Variants in ZNF846 observed in about 807,000 individuals in gnomAD.
ZNF846 encodes the protein zinc finger protein 846.
A neutral mutation model predicts 16.0 loss-of-function variants in ZNF846; 15 were observed. That is an observed-to-expected ratio of 0.94 (90% CI 0.63 to 1.45). The LOEUF (loss-of-function observed/expected upper bound fraction) is 1.45, where lower values mean the gene tolerates loss of function less well. Ranked by LOEUF, ZNF846 falls within the 40% of genes most tolerant of loss-of-function variation. The probability of loss-of-function intolerance (pLI) is 0.00; values close to 1 mark genes in which losing one functional copy is unlikely to be tolerated. For missense variants in ZNF846, 714 were observed against 622.3 expected (o/e 1.15, Z -1.57); for synonymous variants, 229 against 212.0 (o/e 1.08, Z -0.70).
At chr19:9,772,470 C>T (rs140172059), upstream of ZNF846, among the ~76,000 whole-genome samples, 197 of 151,762 alleles carry the variant, frequency 1.3e-3, no homozygotes, top group African/African-American at 4.4e-3. Context: ...TGTGGTGGCA[C>T]GCACCTGTAA....
At chr19:9,755,524 G>A (rs1251305576), downstream of ZNF846, 2 of 151,334 alleles carry the variant, frequency 1.3e-5, no homozygotes, top group Admixed American at 1.3e-4. Context: ...TACCAGGCCG[G>A]GCGCGGTGGC....
At chr19:9,763,748 C>G (rs1383143280) in intron 2 of ZNF846, among the ~76,000 whole-genome samples, 1 of 152,194 alleles carries the variant, frequency 6.6e-6, no homozygotes, top group Non-Finnish European at 1.5e-5. Context: ...CAAATTCCTT[C>G]AGATTAGACA....
At chr19:9,755,304 T>C (rs2045122292), downstream of ZNF846, among the ~76,000 whole-genome samples, 1 of 151,440 alleles carries the variant, frequency 6.6e-6, no homozygotes, top group East Asian at 1.9e-4. Flanking sequence ...CCACAGAAAA[T>C]TTACTGTCCA....
chr19:9,754,513 C>T (rs573849714), downstream of ZNF846, among the ~76,000 whole-genome samples: 3 of 137,386 alleles, frequency 2.2e-5, no homozygotes, highest in Non-Finnish European at 3.0e-5. Flanking sequence ...TGCAGTGAGC[C>T]GGGATCTTGC....
downstream of ZNF846, among the ~76,000 whole-genome samples, chr19:9,749,654 C>T (rs1055123230): frequency 6.6e-6 from 1 of 151,382 alleles, no homozygotes; most frequent in Admixed American, 6.6e-5. Flanking sequence ...ATCAACCTCA[C>T]CCACTCTCTC....
intron 1 of ZNF846, chr19:9,774,637 T>A: frequency 6.9e-7 from 1 of 1,442,068 alleles, no homozygotes; most frequent in South Asian, 1.2e-5. Context: ...CTCCATATGA[T>A]TAGGTGACCT....
At chr19:9,779,964 C>T (rs564901144) in intron 1 of ZNF846, among the ~76,000 whole-genome samples, 1 of 151,682 alleles carries the variant, frequency 6.6e-6, no homozygotes, top group Admixed American at 6.6e-5. Context: ...GCAGCCTTGA[C>T]CTCCTGGTCT....
chr19:9,761,385 T>C (rs1385271357), intron 4 of ZNF846, among the ~76,000 whole-genome samples: 2 of 151,720 alleles, frequency 1.3e-5, no homozygotes, highest in African/African-American at 4.8e-5. Context: ...AAAGATGGAC[T>C]ATAAAGAGTT....
chr19:9,756,315 GTGTGCATATATA>G (rs1256708698), downstream of ZNF846: 4 of 138,926 alleles, frequency 2.9e-5, no homozygotes, highest in Admixed American at 7.5e-5. Context: ...GTGTATGTGT[GTGTGCATATATA>G]TGTGTGTGTG....
At chr19:9,753,219 A>AATTAATTT (rs1555710852), downstream of ZNF846, among the ~76,000 whole-genome samples, 8 of 134,560 alleles carry the variant, frequency 5.9e-5, no homozygotes, top group African/African-American at 1.5e-4. Context: ...GAGGAGACAA[A>AATTAATTT]ATTTATTTAT....
chr19:9,750,626 C>T (rs982306972), downstream of ZNF846, among the ~76,000 whole-genome samples: 1 of 152,220 alleles, frequency 6.6e-6, no homozygotes, highest in African/African-American at 2.4e-5. Flanking sequence ...CGAACAACTG[C>T]CTGTCCCCCT....
At chr19:9,763,511 C>A (rs2045265277) in intron 2 of ZNF846, 103 bp from the exon 3 acceptor site, 2 of 1,132,928 alleles carry the variant, frequency 1.8e-6, no homozygotes, top group African/African-American at 1.6e-5. Context: ...CTGCAGTACT[C>A]CCAGGCCTCA....
intron 1 of ZNF846, among the ~76,000 whole-genome samples, chr19:9,765,804 C>T (rs890088504): frequency 1.3e-5 from 2 of 151,526 alleles, no homozygotes; most frequent in Non-Finnish European, 2.9e-5. Context: ...GGGGGTGGCT[C>T]ATGCCTGTAA....
chr19:9,778,093 C>A (rs926194874), intron 1 of ZNF846, among the ~76,000 whole-genome samples: 1 of 151,872 alleles, frequency 6.6e-6, no homozygotes, highest in African/African-American at 2.4e-5. Flanking sequence ...ATAAATTTTC[C>A]CTGGAAGAGA....
At chr19:9,768,063 G>T (rs913088395) in intron 1 of ZNF846, among the ~76,000 whole-genome samples, 1 of 152,128 alleles carries the variant, frequency 6.6e-6, no homozygotes. Context: ...CCTCCGTTTT[G>T]AAGCTCTTTG....
downstream of ZNF846, chr19:9,751,958 T>C (rs10416140): frequency 0.36 from 55,485 of 152,430 alleles, 14,455 homozygotes; most frequent in African/African-American, 0.73. Flanking sequence ...GTCTCTTATA[T>C]GGATGCATGT....
chr19:9,760,215 C>T (rs1006219840), intron 4 of ZNF846, among the ~76,000 whole-genome samples: 3 of 150,700 alleles, frequency 2.0e-5, no homozygotes, highest in African/African-American at 7.4e-5. Flanking sequence ...ATCACTTGAA[C>T]CCAGAGGGTG....
downstream of ZNF846, chr19:9,757,367 CTATTATA>C (rs1282638783): frequency 4.5e-6 from 4 of 898,258 alleles, no homozygotes; most frequent in Non-Finnish European, 6.7e-6. Context: ...AAATTCATTC[CTATTATA>C]TAAGATATGG....
chr19:9,760,498 C>T (rs577378284), intron 4 of ZNF846, among the ~76,000 whole-genome samples: 4 of 150,718 alleles, frequency 2.7e-5, no homozygotes, highest in African/African-American at 4.9e-5. Context: ...TTCAGGAGTT[C>T]GAGACCAGCC....
Sources: allele counts gnomAD v4.1 joint callset (sites outside exome capture counted in the v4.1 genomes callset), GRCh38; gene constraint gnomAD v4.1.1; transcripts MANE v1.5; gene names NCBI Gene and HGNC (gene_info 2026-07-23, HGNC 2026-07-21).